Variants in LIF observed in about 807,000 individuals in gnomAD.
The protein encoded by LIF is LIF interleukin 6 family cytokine.
In LIF, 9 loss-of-function variants were observed where a neutral mutation model predicts 15.0. That is an observed-to-expected ratio of 0.60 (90% CI 0.36 to 1.04). The LOEUF (loss-of-function observed/expected upper bound fraction) is 1.04. Among genes scored for constraint, LIF ranks in the 50% least tolerant of loss-of-function variants. The probability of loss-of-function intolerance (pLI) is 0.01; values close to 1 mark genes in which losing one functional copy is unlikely to be tolerated. For synonymous variants in LIF, 122 were observed against 119.7 expected (o/e 1.02, Z -0.13); for missense variants, 240 against 266.7 (o/e 0.90, Z 0.70).
In LIF at chr22:30,243,756, G is replaced by A. The variant is rs192914111; in HGVS notation, c.504C>T (p.Tyr168=). The change falls in exon 3 of 3, where the codon TAC becomes TAT. Residue 168 remains tyrosine (Y), a synonymous_variant. Coordinates refer to ENST00000249075, the MANE Select transcript of LIF (RefSeq NM_002309.5). This position sits in a 1 kb window ranked among gnomAD's most constrained non-coding sequence, Gnocchi z 6.0. ...CATCCTTACCCGAGGTGTCAGGGCC[G>A]TAGGTCACGTCCACATGGCCCACGT... The part of the protein sequence containing the change: ...KYHVGHVDVT[Y]GPDTSGKDVF... The A allele has an allele frequency of 1.8e-3, 2,876 of 1,614,242 alleles. 42 individuals are homozygous for A. The highest frequency in any genetic ancestry group is 5.9e-4 in the Non-Finnish European group (691 of 1,180,036).
intron 1 of LIF, among the ~76,000 whole-genome samples, chr22:30,245,216 G>A (rs1466241942): frequency 5.3e-5 from 8 of 152,246 alleles, no homozygotes; most frequent in Non-Finnish European, 1.2e-4. Context: ...GGGTCCAGGA[G>A]AGACTCCCAG....
intron 1 of LIF, 96 bp downstream of exon 1, chr22:30,246,581 G>T (rs1242441249): frequency 6.8e-7 from 1 of 1,480,840 alleles, no homozygotes; most frequent in Non-Finnish European, 9.0e-7. Flanking sequence ...GTGTGTCTGC[G>T]GCGGGTGGGC....
rs1038263305 is a variant in LIF at position 30,243,232 on chromosome 22, A to T, written c.*419T>A. 6 of 293,854 alleles carry T rather than the reference A, an allele frequency of 2.0e-5. No individual in the cohort carries two copies. The highest frequency in any genetic ancestry group is 4.0e-5 in the Non-Finnish European group (6 of 151,000). 18.2% of individuals were successfully genotyped at this position (293,854 alleles called of 1,614,324 possible). ...CCACCTAAGTCCCAACCTAAGGGGC[A>T]GCAAAGGCACAGATGGTGATAATTT... On this transcript the variant is annotated 3_prime_UTR_variant, in exon 3 of 3. Transcript: ENST00000249075. This position sits in a 1 kb window ranked among gnomAD's most constrained non-coding sequence, Gnocchi z 6.0.
In LIF at chr22:30,243,819, G is replaced by A. The variant is rs1198423202; in HGVS notation, c.441C>T (p.Leu147=). Residue 147 remains leucine (L), a synonymous_variant, in exon 3 of 3, where the codon CTC becomes CTT. Coordinates refer to ENST00000249075, the MANE Select transcript of LIF (RefSeq NM_002309.5). The surrounding 1 kb of genome is among the most constrained non-coding windows in gnomAD (Gnocchi z 6.0). ...ACAGGCGGCACAGCACGTTGCTAAG[G>A]AGGCCTCGCAGGATGTCGGCGGTGG... ...LNATADILRG[L]LSNVLCRLCS... 5 of 1,614,150 alleles carry A rather than the reference G, an allele frequency of 3.1e-6. No homozygotes were observed. In the African/African-American group the frequency reaches 6.7e-5, roughly 22 times the overall value.
chr22:30,245,745 A>AAC (rs146769726), intron 1 of LIF, among the ~76,000 whole-genome samples: 8 of 151,798 alleles, frequency 5.3e-5, no homozygotes, highest in Non-Finnish European at 1.2e-4. Context: ...CCTCCCTCCT[A>AAC]ACACACACAC....
intron 1 of LIF, chr22:30,246,382 G>T: frequency 1.2e-6 from 1 of 814,328 alleles, no homozygotes; most frequent in Non-Finnish European, 1.6e-6. Context: ...AGCAGCCAGC[G>T]AGTGTCCGGA....
chr22:30,243,450 C>T lies in LIF; in HGVS notation c.*201G>A. The T allele has an allele frequency of 4.7e-6, 3 of 634,992 alleles. No homozygotes were observed. The highest frequency in any genetic ancestry group is 3.7e-5 in the South Asian group (2 of 53,656). 39.3% of individuals were successfully genotyped at this position (634,992 alleles called of 1,614,324 possible). On this transcript the variant is annotated 3_prime_UTR_variant, in exon 3 of 3. Transcript: ENST00000249075. This position sits in a 1 kb window ranked among gnomAD's most constrained non-coding sequence, Gnocchi z 6.0. ...AGGGGCACCTTCTTCTAGCTCCCTC[C>T]CTATGGAAGTTTCCACTCTGCTCAG...
intron 2 of LIF, 108 bp downstream of exon 2, chr22:30,244,647 C>A: frequency 9.4e-7 from 1 of 1,067,680 alleles, no homozygotes; most frequent in Non-Finnish European, 1.4e-6. Flanking sequence ...TCCCCATTCT[C>A]TCCTTCCAGC....
In LIF at chr22:30,243,840, G is replaced by T. The variant is rs770573444; in HGVS notation, c.420C>A (p.Thr140=). The change falls in exon 3 of 3, where the codon ACC becomes ACA. Residue 140 remains threonine, a synonymous_variant. Transcript: ENST00000249075. The surrounding 1 kb of genome is among the most constrained non-coding windows in gnomAD (Gnocchi z 6.0). ...ALSLHSKLNA[T]ADILRGLLSN... is the part of the protein sequence containing the mutation. ...TAAGGAGGCCTCGCAGGATGTCGGC[G>T]GTGGCGTTGAGCTTGCTGTGGAGGC... The T allele has an allele frequency of 6.2e-7, 1 of 1,614,112 alleles. No homozygotes were observed.
At chr22:30,244,529 C>A (rs947762311) in intron 2 of LIF, among the ~76,000 whole-genome samples, 5 of 152,266 alleles carry the variant, frequency 3.3e-5, no homozygotes, top group Admixed American at 3.3e-4. Flanking sequence ...CAGGTCCCCA[C>A]CTTTGCACTC....
In LIF at chr22:30,240,686, T is replaced by G. The variant is rs1183204198; in HGVS notation, c.*2965A>C. 2 of 152,408 alleles carry G rather than the reference T, an allele frequency of 1.3e-5. No homozygotes were observed. Among genetic ancestry groups the G allele is most frequent in the African/African-American group, 2.4e-5 (1 of 41,356 alleles). 9.4% of individuals were successfully genotyped at this position (152,408 alleles called of 1,614,324 possible). A position where few individuals can be genotyped will look rare whatever the true frequency, so the allele number is the denominator to read the frequency against. On this transcript the variant is annotated 3_prime_UTR_variant, in exon 3 of 3. Transcript: ENST00000249075. ...AGGCCGCACGGTGGGCCCACGGAGC[T>G]AGCACGTGGGCGGGACTGAAGGCTG...
intron 1 of LIF, 28 bp downstream of exon 1, chr22:30,246,649 G>C: frequency 6.5e-7 from 1 of 1,550,186 alleles, no homozygotes; most frequent in Non-Finnish European, 8.7e-7. Context: ...GCGGGGACGC[G>C]AAGCCGGCGC....
chr22:30,243,787 T>G lies in LIF; in HGVS notation c.473A>C (p.Lys158Thr). 1 of 1,614,230 alleles carries G rather than the reference T, an allele frequency of 6.2e-7. No individual in the cohort carries two copies. Among genetic ancestry groups the G allele is most frequent in the South Asian group, 1.1e-5 (1 of 91,090 alleles). ...CACGTCCACATGGCCCACGTGGTAC[T>G]TGCTGCACAGGCGGCACAGCACGTT... ...LSNVLCRLCS[K>T]YHVGHVDVTY... The change falls in exon 3 of 3, where the codon AAG (lysine) becomes ACG (threonine). Residue 158 changes from lysine (K) to threonine (T), a missense_variant. By Grantham distance (78) the Lys-to-Thr change is moderately conservative. Coordinates refer to ENST00000249075, the MANE Select transcript of LIF (RefSeq NM_002309.5). The surrounding 1 kb of genome is among the most constrained non-coding windows in gnomAD (Gnocchi z 6.0).
chr22:30,244,719 C>T (rs768804146), intron 2 of LIF, 36 bp downstream of exon 2: 6 of 1,593,456 alleles, frequency 3.8e-6, no homozygotes, highest in Non-Finnish European at 4.3e-6. Context: ...AGCCCCCTCC[C>T]TGCCATCTCC....
Position 30,243,257 on chromosome 22 carries a change from T to G in LIF, c.*394A>C. ...AGCAAAGGCACAGATGGTGATAATT[T>G]GCTGGGGGCTGGTCCACTCCCCTGG... is the stretch of plus-strand genomic sequence containing the variant. On this transcript the variant is annotated 3_prime_UTR_variant, in exon 3 of 3. Transcript: ENST00000249075. This position sits in a 1 kb window ranked among gnomAD's most constrained non-coding sequence, Gnocchi z 6.0. The G allele has an allele frequency of 3.1e-6, 1 of 322,686 alleles. No individual in the cohort carries two copies. The highest frequency in any genetic ancestry group is 6.0e-6 in the Non-Finnish European group (1 of 167,638). The allele number at this position is 322,686 out of a possible 1,614,324, so 20.0% of individuals were successfully genotyped here.
chr22:30,246,124 C>G (rs2123836447), intron 1 of LIF: 1 of 153,370 alleles, frequency 6.5e-6, no homozygotes, highest in African/African-American at 2.4e-5. Context: ...AGTGCTGAGG[C>G]CCCGGGGTGG....
Position 30,246,286 on chromosome 22 carries a change from C to A in LIF, c.19+391G>T, listed in dbSNP as rs1278892289. On this transcript the variant is annotated intron_variant, in intron 1 of 2. Transcript: ENST00000249075. Reference sequence around the variant, plus strand: ...CCCCTCCCTGGGAGCAGCCCGGGACCGCGGTTGGAAAGGAGAAAGCGGAAA... The same window carrying A: ...CCCCTCCCTGGGAGCAGCCCGGGACAGCGGTTGGAAAGGAGAAAGCGGAAA... 3.9e-5 allele frequency: 11 copies of A among 281,146 alleles called. 1 individual carries two copies. Among genetic ancestry groups the A allele is most frequent in the Middle Eastern group, 1.5e-3 (1 of 664 alleles). The allele number at this position is 281,146 out of a possible 1,614,324, so 17.4% of individuals were successfully genotyped here. A position where few individuals can be genotyped will look rare whatever the true frequency, so the allele number is the denominator to read the frequency against.
intron 1 of LIF, among the ~76,000 whole-genome samples, chr22:30,245,941 T>C (rs879915536): frequency 5.9e-5 from 9 of 152,154 alleles, no homozygotes; most frequent in Non-Finnish European, 8.8e-5. Flanking sequence ...CAGGCCCCCT[T>C]AGACGCTTTT....
rs770197678 is a variant in LIF, at chr22:30,244,706, A to G, written c.198+49T>C. The G allele has an allele frequency of 1.9e-6, 3 of 1,559,116 alleles. No homozygotes were observed. In the South Asian group the frequency reaches 3.4e-5, roughly 17 times the overall value. ...ATCAGGACAGCCCCTAATGATATTT[A>G]CAAGCCCCCTCCCTGCCATCTCCTG... is the stretch of plus-strand genomic sequence containing the variant. On this transcript the variant is annotated intron_variant, in intron 2 of 2. Coordinates refer to ENST00000249075, the MANE Select transcript of LIF (RefSeq NM_002309.5).
Sources: allele counts gnomAD v4.1 joint callset (sites outside exome capture counted in the v4.1 genomes callset), GRCh38; gene constraint gnomAD v4.1.1; non-coding constraint Gnocchi (gnomAD v3.1); transcripts MANE v1.5; gene names NCBI Gene and HGNC (gene_info 2026-07-23, HGNC 2026-07-21).